The following ERG variants were observed in gnomAD, a reference collection of about 807,000 sequenced individuals.
ERG encodes transcriptional regulator ERG.
A neutral mutation model predicts 55.3 loss-of-function variants in ERG; 9 were observed. The ratio of observed to expected loss-of-function variants is 0.16; its 90% CI spans 0.10 to 0.28. The LOEUF is 0.28. Ranked by LOEUF, ERG falls within the 10% of genes least tolerant of loss-of-function variation. The pLI is 1.00. For synonymous variants in ERG, 223 were observed against 237.3 expected (o/e 0.94, Z 0.55); for missense variants, 434 against 631.6 (o/e 0.69, Z 3.35).
At chr21:38,616,199 G>A (rs1481807361) in intron 1 of ERG, among the ~76,000 whole-genome samples, 1 of 152,054 alleles carries the variant, frequency 6.6e-6, no homozygotes, top group East Asian at 1.9e-4. Context: ...CACCATGATT[G>A]TAAGTTTCCT....
At chr21:38,536,320 C>T (rs2059710156) in intron 2 of ERG, among the ~76,000 whole-genome samples, 2 of 152,068 alleles carry the variant, frequency 1.3e-5, no homozygotes, top group South Asian at 4.1e-4. Flanking sequence ...AAGAACAAGC[C>T]ATTTGGGAAA....
In ERG at chr21:38,391,605, G is replaced by A. The variant is rs1987975289; in HGVS notation, c.871+54C>T. ...AAAAAGTGAAGCATTTTAGAAATGT[G>A]CTGCTGAGCCTGAATCTTCTCTTAT... On this transcript the variant is annotated intron_variant, in intron 8 of 9. Transcript: ENST00000288319. 20 of 1,383,284 alleles carry A rather than the reference G, an allele frequency of 1.4e-5. No homozygotes were observed. The South Asian group carries it at 2.4e-4, about 17-fold the overall frequency. The allele number at this position is 1,383,284 out of a possible 1,614,324, so 85.7% of individuals were successfully genotyped here.
chr21:38,428,901 T>C (rs1989971264), intron 2 of ERG, among the ~76,000 whole-genome samples: 2 of 152,156 alleles, frequency 1.3e-5, no homozygotes, highest in South Asian at 4.1e-4. Context: ...TTTATTTAAT[T>C]TAAATAGTTT....
At chr21:38,465,627 G>C (rs781255964) in intron 1 of ERG, among the ~76,000 whole-genome samples, 12 of 152,218 alleles carry the variant, frequency 7.9e-5, no homozygotes, top group Non-Finnish European at 1.2e-4. Flanking sequence ...TGTTGATAAT[G>C]TGGGCAAGGC....
chr21:38,395,952 C>T (rs2836364), intron 6 of ERG, among the ~76,000 whole-genome samples: 32,598 of 152,104 alleles, frequency 0.21, 4,076 homozygotes, highest in South Asian at 0.34. Flanking sequence ...TGCCTACCCG[C>T]TTTATTTTTT....
At chr21:38,573,328 G>A (rs1018048181) in intron 2 of ERG, among the ~76,000 whole-genome samples, 14 of 152,094 alleles carry the variant, frequency 9.2e-5, no homozygotes, top group African/African-American at 2.9e-4. Context: ...AGGTGGATTA[G>A]TAAAAGAGGA....
intron 1 of ERG, among the ~76,000 whole-genome samples, chr21:38,447,661 A>G (rs540413953): frequency 6.6e-6 from 1 of 151,996 alleles, no homozygotes; most frequent in South Asian, 2.1e-4. Context: ...AGTCATGCTA[A>G]TTAAGACAAA....
chr21:38,553,097 C>CA (rs748476770), intron 2 of ERG, among the ~76,000 whole-genome samples: 12 of 151,546 alleles, frequency 7.9e-5, no homozygotes, highest in East Asian at 5.8e-4. Context: ...AAAATAGCAA[C>CA]AAAAAAAATA....
chr21:38,382,905 G>C lies in ERG; in HGVS notation c.*498C>G, dbSNP rs1987514407. 2 of 1,066,556 alleles carry C rather than the reference G, an allele frequency of 1.9e-6. No individual in the cohort carries two copies. Among genetic ancestry groups the C allele is most frequent in the Non-Finnish European group, 2.3e-6 (2 of 879,892 alleles). The allele number at this position is 1,066,556 out of a possible 1,614,324, so 66.1% of individuals were successfully genotyped here. A position where few individuals can be genotyped will look rare whatever the true frequency, so the allele number is the denominator to read the frequency against. ...ATGCAGTTGCATATCAACGTCTGTT[G>C]ATGGGCCACAGTCTCTCTCGTGTCT... On this transcript the variant is annotated 3_prime_UTR_variant, in exon 10 of 10. Transcript: ENST00000288319.
chr21:38,620,017 G>A (rs2060280856), intron 1 of ERG, among the ~76,000 whole-genome samples: 4 of 152,242 alleles, frequency 2.6e-5, no homozygotes, highest in Admixed American at 2.6e-4. Flanking sequence ...AAAGTATGCA[G>A]TGAAAATCCC....
chr21:38,538,766 A>T (rs1239736422), intron 2 of ERG, among the ~76,000 whole-genome samples: 1 of 152,082 alleles, frequency 6.6e-6, no homozygotes, highest in African/African-American at 2.4e-5. Flanking sequence ...CCTGGAATTG[A>T]AAAGAGCTCT....
chr21:38,611,201 C>T (rs1381868996), intron 1 of ERG, among the ~76,000 whole-genome samples: 1 of 151,618 alleles, frequency 6.6e-6, no homozygotes, highest in East Asian at 1.9e-4. Context: ...CTGGTCCAGG[C>T]CACTGTCACC....
intron 2 of ERG, among the ~76,000 whole-genome samples, chr21:38,559,318 T>C (rs1430125933): frequency 6.6e-6 from 1 of 151,836 alleles, no homozygotes; most frequent in African/African-American, 2.4e-5. Context: ...AGGGGGTTCT[T>C]TCCACTTGGC....
Position 38,380,266 on chromosome 21 carries a change from C to A in ERG, c.*3137G>T. ...CTCTGCTGCACCTGCTGTCAGAGGG[C>A]AGCTCCTCCGGCTCCTGCTCCTGGG... On this transcript the variant is annotated 3_prime_UTR_variant, in exon 10 of 10. Transcript: ENST00000288319. The A allele has an allele frequency of 9.5e-7, 1 of 1,056,196 alleles. No homozygotes were observed. The highest frequency in any genetic ancestry group is 1.6e-5 in the African/African-American group (1 of 60,634). 65.4% of individuals were successfully genotyped at this position (1,056,196 alleles called of 1,614,324 possible). A position where few individuals can be genotyped will look rare whatever the true frequency, so the allele number is the denominator to read the frequency against.
chr21:38,552,815 T>TG (rs1261663130), intron 2 of ERG, among the ~76,000 whole-genome samples: 1 of 143,770 alleles, frequency 7.0e-6, no homozygotes, highest in Non-Finnish European at 1.5e-5. Context: ...AATATAGTAC[T>TG]GGAAGTCCTA....
At chr21:38,451,303 A>T (rs2058939680) in intron 1 of ERG, 15 of 457,634 alleles carry the variant, frequency 3.3e-5, no homozygotes, top group South Asian at 2.4e-4. Context: ...GATGTGTAGC[A>T]ATGGGCCCTG....
intron 1 of ERG, among the ~76,000 whole-genome samples, chr21:38,613,415 A>G (rs1370394829): frequency 2.6e-5 from 4 of 152,190 alleles, no homozygotes; most frequent in African/African-American, 7.2e-5. Flanking sequence ...CCCCCTGACC[A>G]CATCGTAACT....
intron 1 of ERG, among the ~76,000 whole-genome samples, chr21:38,458,818 C>A (rs2059014557): frequency 6.6e-6 from 1 of 151,980 alleles, no homozygotes; most frequent in African/African-American, 2.4e-5. Context: ...ATCTCCTGCT[C>A]TCTTCTCTTC....
intron 1 of ERG, among the ~76,000 whole-genome samples, chr21:38,452,339 A>G (rs1263289871): frequency 6.6e-6 from 1 of 152,060 alleles, no homozygotes; most frequent in Non-Finnish European, 1.5e-5. Flanking sequence ...ACATATATAC[A>G]TACACACACA....
Sources: allele counts gnomAD v4.1 joint callset (sites outside exome capture counted in the v4.1 genomes callset), GRCh38; gene constraint gnomAD v4.1.1; transcripts MANE v1.5; gene names NCBI Gene and HGNC (gene_info 2026-07-23, HGNC 2026-07-21).